ELMO1: variants seen among roughly 807,000 people sequenced by gnomAD.
The protein encoded by ELMO1 is engulfment and cell motility 1, also known as engulfment and cell motility protein 1.
A neutral mutation model predicts 98.9 loss-of-function variants in ELMO1; 26 were observed. That is an observed-to-expected ratio of 0.26 (90% CI 0.19 to 0.36). The LOEUF is 0.36. Among genes scored for constraint, ELMO1 ranks in the 10% least tolerant of loss-of-function variants. ELMO1 has a pLI of 1.00. For missense variants in ELMO1, 627 were observed against 935.2 expected (o/e 0.67, Z 4.30); for synonymous variants, 346 against 346.0 (o/e 1.00, Z 0.00).
At chr7:37,042,400 T>G (rs1373012527) in intron 15 of ELMO1, among the ~76,000 whole-genome samples, 1 of 152,184 alleles carries the variant, frequency 6.6e-6, no homozygotes, top group Non-Finnish European at 1.5e-5. Flanking sequence ...CTACTGCTGC[T>G]GGTAGGCACT....
At chr7:37,216,012 TGTAAGCAGGGCAATCAATCAACCTGCTTC>T (rs1793261783) in intron 11 of ELMO1, among the ~76,000 whole-genome samples, 1 of 151,992 alleles carries the variant, frequency 6.6e-6, no homozygotes, top group African/African-American at 2.4e-5. Flanking sequence ...TTTTCTTTTT[TGTAAGCAGGGCAATCAATCAACCTGCTTC>T]TTTCAAGTAG....
At chr7:37,250,117 A>G (rs1795260632) in intron 6 of ELMO1, among the ~76,000 whole-genome samples, 1 of 152,182 alleles carries the variant, frequency 6.6e-6, no homozygotes, top group Non-Finnish European at 1.5e-5. Flanking sequence ...AGTTCAGAGA[A>G]AAACCCTAAA....
At chr7:37,124,804 C>A (rs1224170736) in intron 14 of ELMO1, among the ~76,000 whole-genome samples, 1 of 151,656 alleles carries the variant, frequency 6.6e-6, no homozygotes, top group African/African-American at 2.4e-5. Context: ...TCATATGGAA[C>A]CAAAAAAGAG....
intron 16 of ELMO1, among the ~76,000 whole-genome samples, chr7:36,931,671 G>A (rs1470046692): frequency 4.6e-5 from 7 of 152,202 alleles, no homozygotes; most frequent in Non-Finnish European, 1.0e-4. Context: ...GTTGCTGTAG[G>A]ATTAAATTAT....
intron 1 of ELMO1, among the ~76,000 whole-genome samples, chr7:37,441,142 GAA>G (rs757128289): frequency 5.8e-5 from 8 of 138,770 alleles, no homozygotes; most frequent in Admixed American, 7.2e-5. Context: ...ATTCTGAACT[GAA>G]AAAAAAAAAA....
At position 37,220,368 on chromosome 7, in the gene ELMO1, T is replaced by C. The variant is rs1044054180; in HGVS notation, c.780+2247A>G. 4.6e-5 allele frequency among the ~76,000 whole-genome samples: 7 copies of C among 152,316 alleles called. No individual in the cohort carries two copies. In the East Asian group the frequency reaches 1.2e-3, roughly 25 times the overall value. On this transcript the variant is annotated intron_variant, in intron 10 of 21. Transcript: ENST00000310758. Reference sequence around the variant, plus strand: ...CTTGAATGAATGAGTCATATAATACTTCATAAATTTCTGCTGAATTATATA... The same window carrying C: ...CTTGAATGAATGAGTCATATAATACCTCATAAATTTCTGCTGAATTATATA...
In ELMO1 at chr7:37,301,522, T is replaced by G. The variant is rs1236081563; in HGVS notation, c.192+13328A>C. On this transcript the variant is annotated intron_variant, in intron 4 of 21. Transcript: ENST00000310758. ...CCAAGGTTGCCTTGACTTACGCCAT[T>G]CCCAGAGACAGTAAAGAGCTGCAGT... Among the ~76,000 whole-genome samples, 19 of 152,152 alleles carry G rather than the reference T, an allele frequency of 1.2e-4. No individual in the cohort carries two copies. The South Asian group carries it at 3.5e-3, about 28-fold the overall frequency.
At position 37,168,331 on chromosome 7, in the gene ELMO1, G is replaced by C. The variant is rs1399692965; in HGVS notation, c.1087-35097C>G. Among the ~76,000 whole-genome samples the C allele has an allele frequency of 2.6e-5, 4 of 152,196 alleles. No homozygotes were observed. In the East Asian group the frequency reaches 5.8e-4, roughly 22 times the overall value. ...TTGATCGTCTGAAGCCTTCTTCTCTGAACTTGTCAAAGTCATTCTCCGTCC... is the reference window on the plus strand; with the variant it reads ...TTGATCGTCTGAAGCCTTCTTCTCTCAACTTGTCAAAGTCATTCTCCGTCC... On this transcript the variant is annotated intron_variant, in intron 13 of 21. Coordinates refer to ENST00000310758, the MANE Select transcript of ELMO1 (RefSeq NM_014800.11).
chr7:36,982,549 G>A (rs1418555362), intron 16 of ELMO1, among the ~76,000 whole-genome samples: 1 of 152,092 alleles, frequency 6.6e-6, no homozygotes, highest in Non-Finnish European at 1.5e-5. Context: ...ATTTTTTGTA[G>A]TCTTGTTAAA....
chr7:37,308,221 C>T (rs1798715257), intron 4 of ELMO1, among the ~76,000 whole-genome samples: 1 of 152,176 alleles, frequency 6.6e-6, no homozygotes, highest in African/African-American at 2.4e-5. Context: ...ATTCTTCCAA[C>T]AGAGTGTATT....
chr7:36,855,038 AG>A lies in ELMO1; in HGVS notation c.*512del, dbSNP rs779821036. 2 of 168,712 alleles carry A rather than the reference AG, an allele frequency of 1.2e-5. No homozygotes were observed. The highest frequency in any genetic ancestry group is 2.4e-5 in the African/African-American group (1 of 41,704). The allele number at this position is 168,712 out of a possible 1,614,324, so 10.5% of individuals were successfully genotyped here. A position where few individuals can be genotyped will look rare whatever the true frequency, so the allele number is the denominator to read the frequency against. Reference sequence around the variant, plus strand: ...GAGAGGTGGGAGGAGATTTGAGCGCAGATCTTAATTCAAGTGTAACTGGTGG... The same window carrying A: ...GAGAGGTGGGAGGAGATTTGAGCGCAATCTTAATTCAAGTGTAACTGGTGG... On this transcript the variant is annotated 3_prime_UTR_variant, in exon 22 of 22. Coordinates refer to ENST00000310758, the MANE Select transcript of ELMO1 (RefSeq NM_014800.11). The surrounding 1 kb of genome is among the most constrained non-coding windows in gnomAD (Gnocchi z 4.2).
Position 37,211,535 on chromosome 7 carries a change from T to C in ELMO1, c.955-18A>G. ...CTCTGAGCCTGAAGGAATCAGGGAG[T>C]AAAAAGAAAAGGGAGGGGAAAAAGC... On this transcript the variant is annotated intron_variant, in intron 12 of 21. Coordinates refer to ENST00000310758, the MANE Select transcript of ELMO1 (RefSeq NM_014800.11). 1 of 1,610,556 alleles carries C rather than the reference T, an allele frequency of 6.2e-7. No individual in the cohort carries two copies. Among genetic ancestry groups the C allele is most frequent in the Non-Finnish European group, 8.5e-7 (1 of 1,178,536 alleles).
chr7:36,951,511 G>T (rs540988859), intron 16 of ELMO1, among the ~76,000 whole-genome samples: 1 of 152,140 alleles, frequency 6.6e-6, no homozygotes, highest in Admixed American at 6.5e-5. Context: ...TCAATCTAGG[G>T]TGGCCACTGG....
intron 16 of ELMO1, among the ~76,000 whole-genome samples, chr7:36,974,506 C>A (rs1236522624): frequency 1.3e-5 from 2 of 152,110 alleles, no homozygotes; most frequent in African/African-American, 4.8e-5. Context: ...CCTTGGAGAA[C>A]CTTTGTGTCC....
intron 13 of ELMO1, among the ~76,000 whole-genome samples, chr7:37,137,434 T>C (rs1008839161): frequency 6.6e-6 from 1 of 152,178 alleles, no homozygotes; most frequent in South Asian, 2.1e-4. Context: ...TTAATGGATA[T>C]TTACAGAACA....
At chr7:37,448,313 C>T (rs1805738786) in intron 1 of ELMO1, among the ~76,000 whole-genome samples, 1 of 151,832 alleles carries the variant, frequency 6.6e-6, no homozygotes, top group South Asian at 2.1e-4. Flanking sequence ...GCCCCCCCTC[C>T]CGCAGACCCT....
chr7:37,238,315 T>C (rs1018100202), intron 7 of ELMO1, among the ~76,000 whole-genome samples: 1 of 152,228 alleles, frequency 6.6e-6, no homozygotes, highest in African/African-American at 2.4e-5. Flanking sequence ...CTACAAATTA[T>C]GATTTTGATA....
At chr7:37,355,095 G>A (rs1801443973) in intron 1 of ELMO1, among the ~76,000 whole-genome samples, 2 of 152,228 alleles carry the variant, frequency 1.3e-5, no homozygotes, top group East Asian at 1.9e-4. Context: ...TCTTTCTCCC[G>A]GCCTGACGTC....
At chr7:36,932,872 T>C (rs1206811583) in intron 16 of ELMO1, among the ~76,000 whole-genome samples, 1 of 152,174 alleles carries the variant, frequency 6.6e-6, no homozygotes, top group Non-Finnish European at 1.5e-5. Context: ...TAGATGTTTG[T>C]TCAGGCAACA....
Sources: gnomAD v4.1 joint callset for allele counts (sites outside exome capture counted in the v4.1 genomes callset) on GRCh38, gnomAD v4.1.1 for gene constraint, Gnocchi (gnomAD v3.1) non-coding constraint, MANE v1.5 for transcripts, NCBI Gene and HGNC (gene_info 2026-07-23, HGNC 2026-07-21) for gene names.